The following JAKMIP1 variants were observed in gnomAD, a reference collection of about 807,000 sequenced individuals.
The protein encoded by JAKMIP1 is janus kinase and microtubule-interacting protein 1.
JAKMIP1 carries 33 observed loss-of-function variants against 113.0 expected under a neutral mutation model. The observed-to-expected ratio is 0.29, with a 90% confidence interval of 0.22 to 0.39. JAKMIP1 has a LOEUF of 0.39. Ranked by LOEUF, JAKMIP1 falls within the 10% of genes least tolerant of loss-of-function variation. The pLI is 1.00. For missense variants in JAKMIP1, 813 were observed against 1,080.5 expected (o/e 0.75, Z 3.47); for synonymous variants, 480 against 459.9 (o/e 1.04, Z -0.56).
At position 6,141,112 on chromosome 4, in the gene JAKMIP1, G is replaced by A. The variant is rs543622831; in HGVS notation, c.-147-28115C>T. ...GTCACTACCATCCTAATTGTATCGCGTAGAATGAGAAGCAGCTACCAACAT... is the reference window on the plus strand; with the variant it reads ...GTCACTACCATCCTAATTGTATCGCATAGAATGAGAAGCAGCTACCAACAT... On this transcript the variant is annotated intron_variant, in intron 1 of 20. Transcript: ENST00000409021. The surrounding 1 kb of genome is among the most constrained non-coding windows in gnomAD (Gnocchi z 9.4). 1.8e-4 allele frequency among the ~76,000 whole-genome samples: 27 copies of A among 152,310 alleles called. 1 individual carries two copies. The South Asian group carries it at 3.7e-3, about 21-fold the overall frequency.
rs1001450122 is a variant in JAKMIP1 at position 6,088,436 on chromosome 4, C to G, written c.625-2807G>C. ...GCCACTGCCTTCCACTAGCTCCCCA[C>G]AAAAGACAGCACCGTCGCGAGCAAG... is the stretch of plus-strand genomic sequence containing the variant. On this transcript the variant is annotated intron_variant, in intron 3 of 20. Transcript: ENST00000409021. This position sits in a 1 kb window ranked among gnomAD's most constrained non-coding sequence, Gnocchi z 5.5. Among the ~76,000 whole-genome samples the G allele has an allele frequency of 6.6e-6, 1 of 152,168 alleles. No individual in the cohort carries two copies. Among genetic ancestry groups the G allele is most frequent in the Non-Finnish European group, 1.5e-5 (1 of 68,026 alleles).
chr4:6,081,825 T>G lies in JAKMIP1; in HGVS notation c.955-70A>C. On this transcript the variant is annotated intron_variant, in intron 5 of 20. Transcript: ENST00000409021. This position sits in a 1 kb window ranked among gnomAD's most constrained non-coding sequence, Gnocchi z 4.6. ...GACGGCCGAGGTCACAGCACCGAGG[T>G]GAGCAGAGACTCAACCCAGTTAGGA... 1 of 1,586,964 alleles carries G rather than the reference T, an allele frequency of 6.3e-7. No homozygotes were observed. Among genetic ancestry groups the G allele is most frequent in the Non-Finnish European group, 8.6e-7 (1 of 1,161,536 alleles).
intron 10 of JAKMIP1, among the ~76,000 whole-genome samples, chr4:6,062,007 C>G (rs1035368996): frequency 5.9e-5 from 9 of 152,222 alleles, no homozygotes; most frequent in African/African-American, 1.4e-4. Flanking sequence ...TGCAAGCCAG[C>G]CAAGTCTGTG....
At chr4:6,041,316 C>G (rs1159805927) in intron 17 of JAKMIP1, among the ~76,000 whole-genome samples, 1 of 152,180 alleles carries the variant, frequency 6.6e-6, no homozygotes, top group African/African-American at 2.4e-5. Flanking sequence ...CAGGGAGGAC[C>G]AGAGCCTTGC....
intron 1 of JAKMIP1, among the ~76,000 whole-genome samples, chr4:6,123,072 A>T (rs1001459534): frequency 6.6e-6 from 1 of 152,240 alleles, no homozygotes; most frequent in African/African-American, 2.4e-5. Context: ...TAACATTCTA[A>T]TAATTTAGGA....
chr4:6,050,899 C>A lies in JAKMIP1; in HGVS notation c.1807-220G>T, dbSNP rs915488911. 6.6e-6 allele frequency among the ~76,000 whole-genome samples: 1 copy of A among 152,224 alleles called. No individual in the cohort carries two copies. The highest frequency in any genetic ancestry group is 1.5e-5 in the Non-Finnish European group (1 of 68,044). On this transcript the variant is annotated intron_variant, in intron 13 of 20. Transcript: ENST00000409021. This position sits in a 1 kb window ranked among gnomAD's most constrained non-coding sequence, Gnocchi z 7.4. Reference sequence around the variant, plus strand: ...GAAATGTGTTTACTTCTTCCCTATTCATCTAGGGAGAAATGGTTAACAGGG... The same window carrying A: ...GAAATGTGTTTACTTCTTCCCTATTAATCTAGGGAGAAATGGTTAACAGGG...
Position 6,187,154 on chromosome 4 carries a change from A to G in JAKMIP1, c.-148+13099T>C, listed in dbSNP as rs1350542965. Among the ~76,000 whole-genome samples, 1 of 152,076 alleles carries G rather than the reference A, an allele frequency of 6.6e-6. No homozygotes were observed. Among genetic ancestry groups the G allele is most frequent in the African/African-American group, 2.4e-5 (1 of 41,400 alleles). ...CCACTTCTGTCAGTTTTTGCTTCAT[A>G]TATTTTGGTGCTCTGTTGTTAGGTG... On this transcript the variant is annotated intron_variant, in intron 1 of 20. Coordinates refer to ENST00000409021, the MANE Select transcript of JAKMIP1 (RefSeq NM_001099433.2). The surrounding 1 kb of genome is among the most constrained non-coding windows in gnomAD (Gnocchi z 4.2).
chr4:6,177,768 A>G (rs544074370), intron 1 of JAKMIP1, among the ~76,000 whole-genome samples: 4 of 152,048 alleles, frequency 2.6e-5, no homozygotes, highest in Non-Finnish European at 5.9e-5. Flanking sequence ...CCCCAATGCC[A>G]CTACCCACAT....
intron 17 of JAKMIP1, among the ~76,000 whole-genome samples, chr4:6,041,485 C>T (rs925164677): frequency 2.0e-5 from 3 of 152,124 alleles, no homozygotes; most frequent in Non-Finnish European, 4.4e-5. Flanking sequence ...TTGGAGAACT[C>T]GAATTGGCCT....
chr4:6,068,660 C>T (rs769449323), intron 8 of JAKMIP1, among the ~76,000 whole-genome samples: 28 of 150,056 alleles, frequency 1.9e-4, no homozygotes, highest in Non-Finnish European at 2.8e-4. Context: ...CAAGTTCAAG[C>T]GATTCTTCTG....
In JAKMIP1 at chr4:6,168,293, T is replaced by C. The variant is rs1723910381; in HGVS notation, c.-148+31960A>G. Reference sequence around the variant, plus strand: ...CCTCGCAGTTCTACTCCTAAATATGTAACTGAAAGATGGGAAAACATATGT... The same window carrying C: ...CCTCGCAGTTCTACTCCTAAATATGCAACTGAAAGATGGGAAAACATATGT... On this transcript the variant is annotated intron_variant, in intron 1 of 20. Coordinates refer to ENST00000409021, the MANE Select transcript of JAKMIP1 (RefSeq NM_001099433.2). This position sits in a 1 kb window ranked among gnomAD's most constrained non-coding sequence, Gnocchi z 4.6. Among the ~76,000 whole-genome samples the C allele has an allele frequency of 6.6e-6, 1 of 152,136 alleles. No homozygotes were observed. The highest frequency in any genetic ancestry group is 2.4e-5 in the African/African-American group (1 of 41,418).
intron 1 of JAKMIP1, among the ~76,000 whole-genome samples, chr4:6,128,664 G>A (rs1024924833): frequency 3.3e-5 from 5 of 152,108 alleles, no homozygotes; most frequent in South Asian, 2.1e-4. Flanking sequence ...TCCGGGGCTC[G>A]CTCCCCACGT....
chr4:6,200,428 T>C lies in JAKMIP1; in HGVS notation c.-323A>G, dbSNP rs1301616537. On this transcript the variant is annotated 5_prime_UTR_variant, in exon 1 of 21. Transcript: ENST00000409021. The surrounding 1 kb of genome is among the most constrained non-coding windows in gnomAD (Gnocchi z 7.0). ...ATGAATGCATGCACAAAAAAAATCG[T>C]AAAAAGCAATTGAGGAGGATGGCAG... 1 of 150,588 alleles carries C rather than the reference T, an allele frequency of 6.6e-6. No homozygotes were observed. Among genetic ancestry groups the C allele is most frequent in the African/African-American group, 2.4e-5 (1 of 40,858 alleles). The allele number at this position is 150,588 out of a possible 1,614,324, so 9.3% of individuals were successfully genotyped here.
intron 3 of JAKMIP1, among the ~76,000 whole-genome samples, chr4:6,087,415 G>A (rs1002423423): frequency 2.0e-5 from 3 of 152,198 alleles, no homozygotes; most frequent in Admixed American, 6.5e-5. Context: ...ATTTGGTACA[G>A]TGCCTAGCAT....
At position 6,081,826 on chromosome 4, in the gene JAKMIP1, G is replaced by A. The variant is rs1720595154; in HGVS notation, c.955-71C>T. The A allele has an allele frequency of 3.8e-6, 6 of 1,580,078 alleles. No individual in the cohort carries two copies. The Admixed American group carries it at 6.8e-5, about 18-fold the overall frequency. On this transcript the variant is annotated intron_variant, in intron 5 of 20. Coordinates refer to ENST00000409021, the MANE Select transcript of JAKMIP1 (RefSeq NM_001099433.2). The surrounding 1 kb of genome is among the most constrained non-coding windows in gnomAD (Gnocchi z 4.6). ...ACGGCCGAGGTCACAGCACCGAGGTGAGCAGAGACTCAACCCAGTTAGGAC... is the reference window on the plus strand; with the variant it reads ...ACGGCCGAGGTCACAGCACCGAGGTAAGCAGAGACTCAACCCAGTTAGGAC...
Position 6,056,682 on chromosome 4 carries a change from G to A in JAKMIP1, c.1707+15C>T. The stretch of plus-strand genomic sequence containing the variant: ...GCCCTGCGGCTGTGTGCTTCCCTGA[G>A]GTGGGGTCACGCACCTTTTCCAGCA... On this transcript the variant is annotated intron_variant, in intron 12 of 20. Coordinates refer to ENST00000409021, the MANE Select transcript of JAKMIP1 (RefSeq NM_001099433.2). 1 of 1,608,196 alleles carries A rather than the reference G, an allele frequency of 6.2e-7. No homozygotes were observed. Among genetic ancestry groups the A allele is most frequent in the African/African-American group, 1.3e-5 (1 of 74,940 alleles).
chr4:6,128,174 G>A (rs1294572758), intron 1 of JAKMIP1, among the ~76,000 whole-genome samples: 1 of 152,328 alleles, frequency 6.6e-6, no homozygotes, highest in Non-Finnish European at 1.5e-5. Flanking sequence ...AGAGCCAGAC[G>A]GACATGGATT....
intron 1 of JAKMIP1, among the ~76,000 whole-genome samples, chr4:6,175,952 T>C (rs73077413): frequency 0.041 from 6,199 of 152,316 alleles, 258 homozygotes; most frequent in African/African-American, 0.11. Context: ...TCCACAGGGC[T>C]GTAAATTGAG....
rs961988913 is a variant in JAKMIP1 at position 6,141,144 on chromosome 4, T to C, written c.-147-28147A>G. The stretch of plus-strand genomic sequence containing the variant: ...GAGAAGCAGCTACCAACATTTAAAG[T>C]GGTAGACGAGGCCGGGCGCAGTGGC... On this transcript the variant is annotated intron_variant, in intron 1 of 20. Coordinates refer to ENST00000409021, the MANE Select transcript of JAKMIP1 (RefSeq NM_001099433.2). The surrounding 1 kb of genome is among the most constrained non-coding windows in gnomAD (Gnocchi z 9.4). Among the ~76,000 whole-genome samples the C allele has an allele frequency of 2.6e-5, 4 of 152,126 alleles. No individual in the cohort carries two copies. The highest frequency in any genetic ancestry group is 7.2e-5 in the African/African-American group (3 of 41,406).
Sources: allele counts gnomAD v4.1 joint callset (sites outside exome capture counted in the v4.1 genomes callset), GRCh38; gene constraint gnomAD v4.1.1; non-coding constraint Gnocchi (gnomAD v3.1); transcripts MANE v1.5; gene names NCBI Gene and HGNC (gene_info 2026-07-23, HGNC 2026-07-21).